Variants in WWOX observed in about 807,000 individuals in gnomAD.
WWOX encodes WW domain-containing oxidoreductase.
A neutral mutation model predicts 46.2 loss-of-function variants in WWOX; 69 were observed. The observed-to-expected ratio is 1.49, with a 90% CI of 1.23 to 1.82. The LOEUF (loss-of-function observed/expected upper bound fraction) is 1.82, where lower values mean the gene tolerates loss of function less well. Ranked by LOEUF, WWOX falls within the 40% of genes most tolerant of loss-of-function variation. WWOX has a pLI of 0.00. For synonymous variants in WWOX, 359 were observed against 202.6 expected (o/e 1.77, Z -6.56); for missense variants, 919 against 542.6 (o/e 1.69, Z -6.89).
intron 8 of WWOX, chr16:78,872,699 C>G (rs937194100): frequency 6.6e-6 from 1 of 152,216 alleles, no homozygotes; most frequent in Non-Finnish European, 1.5e-5. Flanking sequence ...TGTCCCCAAC[C>G]ACTCCCTGCG....
At chr16:78,803,261 C>G (rs996381008) in intron 8 of WWOX, among the ~76,000 whole-genome samples, 1 of 150,230 alleles carries the variant, frequency 6.7e-6, no homozygotes, top group African/African-American at 2.4e-5. Flanking sequence ...TTTTTCCTCT[C>G]CAAACCACCA....
At chr16:78,998,661 C>T (rs140142922) in intron 8 of WWOX, among the ~76,000 whole-genome samples, 1,880 of 152,238 alleles carry the variant, frequency 0.012, 42 homozygotes, top group African/African-American at 0.04. Context: ...TGTAGGTAAG[C>T]GGCTAGCACA....
chr16:79,002,580 G>A (rs2047115466), intron 8 of WWOX, among the ~76,000 whole-genome samples: 1 of 152,170 alleles, frequency 6.6e-6, no homozygotes, highest in Non-Finnish European at 1.5e-5. Flanking sequence ...CTAAAGTGAT[G>A]ATGATGATTA....
At position 78,805,902 on chromosome 16, in the gene WWOX, C is replaced by G. The variant is rs186143379; in HGVS notation, c.1056+373150C>G. 3.3e-3 allele frequency among the ~76,000 whole-genome samples: 497 copies of G among 152,204 alleles called. 3 individuals are homozygous for G. Among genetic ancestry groups the G allele is most frequent in the Non-Finnish European group, 5.5e-3 (373 of 68,020 alleles). On this transcript the variant is annotated intron_variant, in intron 8 of 8. Coordinates refer to ENST00000566780, the MANE Select transcript of WWOX (RefSeq NM_016373.4). ...CTTGTTGGGTCTTCTTTCTAGCATG[C>G]CAGGAACATTTTTCTCATCTTTTGA...
chr16:78,916,294 C>T (rs1314972370), intron 8 of WWOX, among the ~76,000 whole-genome samples: 1 of 152,148 alleles, frequency 6.6e-6, no homozygotes, highest in African/African-American at 2.4e-5. Context: ...TGGATGGAGA[C>T]CCTGTTTCAG....
chr16:78,774,333 G>A (rs749192477), intron 8 of WWOX, among the ~76,000 whole-genome samples: 2 of 152,082 alleles, frequency 1.3e-5, no homozygotes, highest in Non-Finnish European at 2.9e-5. Flanking sequence ...TCAGGGAGTC[G>A]GAGTTTTCAG....
intron 8 of WWOX, among the ~76,000 whole-genome samples, chr16:78,447,672 G>A (rs777002752): frequency 6.6e-6 from 1 of 152,218 alleles, no homozygotes; most frequent in Non-Finnish European, 1.5e-5. Flanking sequence ...AAAGAATAAA[G>A]AAACCATGCA....
At chr16:79,167,093 A>G (rs1219257691) in intron 8 of WWOX, among the ~76,000 whole-genome samples, 1 of 152,034 alleles carries the variant, frequency 6.6e-6, no homozygotes, top group African/African-American at 2.4e-5. Flanking sequence ...GGTGTGTGCT[A>G]CCACGGCCGG....
intron 8 of WWOX, among the ~76,000 whole-genome samples, chr16:78,913,811 C>T (rs1360965505): frequency 1.3e-5 from 2 of 151,896 alleles, no homozygotes; most frequent in Non-Finnish European, 2.9e-5. Context: ...AAAGTGTGCA[C>T]CACAATGCCC....
chr16:78,707,164 G>GTTTATT (rs1217654888), intron 8 of WWOX, among the ~76,000 whole-genome samples: 1 of 152,138 alleles, frequency 6.6e-6, no homozygotes, highest in African/African-American at 2.4e-5. Flanking sequence ...GTGTTAAAGG[G>GTTTATT]TTTATTTTTA....
chr16:78,514,514 C>G (rs1298485640), intron 8 of WWOX, among the ~76,000 whole-genome samples: 2 of 152,178 alleles, frequency 1.3e-5, no homozygotes, highest in African/African-American at 4.8e-5. Context: ...ATCTGCGGCC[C>G]TGGTACACTT....
At chr16:79,015,752 T>G (rs184684132) in intron 8 of WWOX, among the ~76,000 whole-genome samples, 1 of 152,330 alleles carries the variant, frequency 6.6e-6, no homozygotes, top group Non-Finnish European at 1.5e-5. Context: ...TTTATTTTAA[T>G]TAAATAATTT....
Position 78,305,336 on chromosome 16 carries a change from C to G in WWOX, c.517-81524C>G, listed in dbSNP as rs144412326. ...AGCAAATGCCAAGTGAGCTGGTGTT[C>G]TGTCCCTCCGGCCTCCTTGCTCACA... is the stretch of plus-strand genomic sequence containing the variant. On this transcript the variant is annotated intron_variant, in intron 5 of 8. Coordinates refer to ENST00000566780, the MANE Select transcript of WWOX (RefSeq NM_016373.4). Among the ~76,000 whole-genome samples, 749 of 152,194 alleles carry G rather than the reference C, an allele frequency of 4.9e-3. 8 individuals are homozygous for G. The highest frequency in any genetic ancestry group is 0.017 in the African/African-American group (711 of 41,530).
chr16:78,503,330 G>A (rs1301505770), intron 8 of WWOX, among the ~76,000 whole-genome samples: 1 of 151,984 alleles, frequency 6.6e-6, no homozygotes, highest in Non-Finnish European at 1.5e-5. Flanking sequence ...CTACCTATAA[G>A]TACCTTCCAA....
chr16:78,348,654 C>T (rs2081134651), intron 5 of WWOX, among the ~76,000 whole-genome samples: 2 of 119,018 alleles, frequency 1.7e-5, no homozygotes, highest in South Asian at 5.1e-4. Flanking sequence ...GACGGGCTTT[C>T]CCCATGTTGC....
At chr16:78,963,914 T>C (rs1567442698) in intron 8 of WWOX, among the ~76,000 whole-genome samples, 1 of 152,182 alleles carries the variant, frequency 6.6e-6, no homozygotes, top group Non-Finnish European at 1.5e-5. Context: ...GTTATTCTTA[T>C]GAAAGTGAAT....
intron 8 of WWOX, among the ~76,000 whole-genome samples, chr16:78,447,062 CTG>C (rs2083577442): frequency 6.6e-6 from 1 of 152,148 alleles, no homozygotes; most frequent in Non-Finnish European, 1.5e-5. Flanking sequence ...GTACTCTGTC[CTG>C]TCCAGTGCCT....
intron 8 of WWOX, among the ~76,000 whole-genome samples, chr16:78,912,851 C>A (rs931600011): frequency 1.3e-5 from 2 of 151,908 alleles, no homozygotes; most frequent in Non-Finnish European, 2.9e-5. Flanking sequence ...GACGTATTAT[C>A]ATTGGTTAGA....
At chr16:78,786,797 T>C (rs181753899) in intron 8 of WWOX, among the ~76,000 whole-genome samples, 6 of 152,346 alleles carry the variant, frequency 3.9e-5, no homozygotes, top group South Asian at 2.1e-4. Context: ...CCAAGAATGT[T>C]TCTAATACAT....
Sources: allele counts gnomAD v4.1 joint callset (sites outside exome capture counted in the v4.1 genomes callset), GRCh38; gene constraint gnomAD v4.1.1; transcripts MANE v1.5; gene names NCBI Gene and HGNC (gene_info 2026-07-23, HGNC 2026-07-21).